Variants in CDH18 observed in about 807,000 individuals in gnomAD.
The protein encoded by CDH18 is cadherin 18.
CDH18 carries 31 observed loss-of-function variants against 67.9 expected under a neutral mutation model. That is an observed-to-expected ratio of 0.46 (90% CI 0.34 to 0.62). The LOEUF (loss-of-function observed/expected upper bound fraction) is 0.62, where lower values mean the gene tolerates loss of function less well. Ranked by LOEUF, CDH18 falls within the 20% of genes least tolerant of loss-of-function variation. The probability of loss-of-function intolerance (pLI) is 0.01; values close to 1 mark genes in which losing one functional copy is unlikely to be tolerated. For missense variants in CDH18, 890 were observed against 975.5 expected, an observed-to-expected ratio of 0.91 and a Z score of 1.17; for synonymous variants, 362 against 347.2, an observed-to-expected ratio of 1.04 and a Z score of -0.48.
intron 1 of CDH18, among the ~76,000 whole-genome samples, chr5:20,539,526 A>T (rs1226394932): frequency 6.6e-6 from 1 of 152,134 alleles, no homozygotes; most frequent in Admixed American, 6.6e-5. Context: ...GTGAAACAAC[A>T]AGAAATGGGT....
intron 1 of CDH18, among the ~76,000 whole-genome samples, chr5:20,511,243 A>G (rs997332702): frequency 2.6e-5 from 4 of 152,198 alleles, no homozygotes; most frequent in Non-Finnish European, 5.9e-5. Context: ...AAGTGTCAGC[A>G]CTCATTAGAT....
chr5:19,845,673 T>C (rs1195854947), intron 2 of CDH18, among the ~76,000 whole-genome samples: 1 of 152,020 alleles, frequency 6.6e-6, no homozygotes, highest in Non-Finnish European at 1.5e-5. Context: ...GTTTTATATA[T>C]CTAGGTGCTC....
intron 1 of CDH18, among the ~76,000 whole-genome samples, chr5:20,497,133 G>A (rs1469349971): frequency 6.6e-6 from 1 of 152,050 alleles, no homozygotes; most frequent in Non-Finnish European, 1.5e-5. Context: ...ATGTCATAAA[G>A]GCCAATGAAG....
At chr5:20,156,097 T>A (rs955485172) in intron 2 of CDH18, among the ~76,000 whole-genome samples, 1 of 151,924 alleles carries the variant, frequency 6.6e-6, no homozygotes, top group Non-Finnish European at 1.5e-5. Flanking sequence ...TGTTGGTGAG[T>A]ATGTGGAGAA....
intron 1 of CDH18, among the ~76,000 whole-genome samples, chr5:20,570,287 G>A (rs905269069): frequency 2.0e-5 from 3 of 151,914 alleles, no homozygotes. Context: ...CTGGTATGTA[G>A]GAACCCTCCT....
At chr5:19,852,390 A>G (rs1308898442) in intron 2 of CDH18, among the ~76,000 whole-genome samples, 3 of 152,012 alleles carry the variant, frequency 2.0e-5, no homozygotes, top group Non-Finnish European at 4.4e-5. Flanking sequence ...TAATAATATT[A>G]TTATTAGCAT....
chr5:20,026,304 A>T (rs1738895088), intron 2 of CDH18, among the ~76,000 whole-genome samples: 1 of 152,194 alleles, frequency 6.6e-6, no homozygotes, highest in Non-Finnish European at 1.5e-5. Context: ...GTGGCCATTG[A>T]TGAATTACTT....
chr5:20,284,415 T>A (rs1436900748), intron 1 of CDH18, among the ~76,000 whole-genome samples: 3 of 151,982 alleles, frequency 2.0e-5, no homozygotes, highest in Non-Finnish European at 4.4e-5. Flanking sequence ...TAAAAGTCAT[T>A]AAAATTTTAA....
intron 1 of CDH18, among the ~76,000 whole-genome samples, chr5:20,501,580 AT>A (rs1418990205): frequency 0.012 from 146 of 12,390 alleles, 4 homozygotes; most frequent in African/African-American, 0.025. Flanking sequence ...ATATATATAT[AT>A]TATATATATA....
At chr5:19,928,893 C>T (rs1793378391) in intron 2 of CDH18, among the ~76,000 whole-genome samples, 1 of 152,066 alleles carries the variant, frequency 6.6e-6, no homozygotes, top group African/African-American at 2.4e-5. Flanking sequence ...TCCCATTTTA[C>T]AGATGAAGAA....
chr5:19,721,554 C>T, intron 4 of CDH18, 88 bp from the exon 5 acceptor site: 2 of 1,197,020 alleles, frequency 1.7e-6, no homozygotes, highest in Non-Finnish European at 2.4e-6. Context: ...GCTGAAATAG[C>T]TATGGAGATC....
At chr5:19,581,474 T>C (rs931488751) in intron 7 of CDH18, among the ~76,000 whole-genome samples, 2 of 152,038 alleles carry the variant, frequency 1.3e-5, no homozygotes, top group African/African-American at 4.8e-5. Flanking sequence ...TCTCTGGAAC[T>C]ATATAACCAT....
intron 5 of CDH18, among the ~76,000 whole-genome samples, chr5:19,690,849 G>A (rs780704476): frequency 1.7e-4 from 26 of 151,786 alleles, no homozygotes; most frequent in Admixed American, 4.6e-4. Context: ...TCTACCACAT[G>A]TATAAAACAA....
chr5:20,153,412 C>T (rs560854500), intron 2 of CDH18, among the ~76,000 whole-genome samples: 6 of 152,198 alleles, frequency 3.9e-5, no homozygotes, highest in African/African-American at 1.2e-4. Context: ...TCCCTACTTT[C>T]GTTTCACAAT....
At chr5:19,874,854 G>T (rs1786755808) in intron 2 of CDH18, among the ~76,000 whole-genome samples, 1 of 152,116 alleles carries the variant, frequency 6.6e-6, no homozygotes, top group South Asian at 2.1e-4. Flanking sequence ...TAAGTTTCTG[G>T]TTGCAATTTA....
chr5:19,804,999 C>A (rs1390737266), intron 3 of CDH18, among the ~76,000 whole-genome samples: 1 of 151,654 alleles, frequency 6.6e-6, no homozygotes, highest in Non-Finnish European at 1.5e-5. Context: ...GGCTGAAGTC[C>A]CATGGCACAC....
At chr5:19,530,822 C>A (rs959900939) in intron 9 of CDH18, among the ~76,000 whole-genome samples, 7 of 152,186 alleles carry the variant, frequency 4.6e-5, no homozygotes, top group Admixed American at 3.9e-4. Context: ...TTTTCTTAAT[C>A]CAGTCTATCG....
chr5:20,107,536 A>G (rs1463810545), intron 2 of CDH18, among the ~76,000 whole-genome samples: 1 of 152,158 alleles, frequency 6.6e-6, no homozygotes, highest in Non-Finnish European at 1.5e-5. Flanking sequence ...CTGCCATAAC[A>G]AATTTTCTAG....
intron 1 of CDH18, among the ~76,000 whole-genome samples, chr5:20,292,403 T>C (rs1248758614): frequency 6.6e-6 from 1 of 152,198 alleles, no homozygotes; most frequent in Non-Finnish European, 1.5e-5. Flanking sequence ...AAGAGAATGA[T>C]AGCTGAGTGT....
Sources: allele counts gnomAD v4.1 joint callset (sites outside exome capture counted in the v4.1 genomes callset), GRCh38; gene constraint gnomAD v4.1.1; transcripts MANE v1.5; gene names NCBI Gene and HGNC (gene_info 2026-07-23, HGNC 2026-07-21).